RNF150: variants seen among roughly 807,000 people sequenced by gnomAD.
RNF150 encodes ring finger protein 150.
RNF150 carries 24 observed loss-of-function variants against 39.3 expected under a neutral mutation model. The observed-to-expected ratio is 0.61, with a 90% CI of 0.44 to 0.86. The LOEUF is 0.86. Ranked by LOEUF, RNF150 falls within the 40% of genes least tolerant of loss-of-function variation. The pLI is 0.00. For missense variants in RNF150, 502 were observed against 587.8 expected, an observed-to-expected ratio of 0.85 and a Z score of 1.51; for synonymous variants, 255 against 227.3, an observed-to-expected ratio of 1.12 and a Z score of -1.10.
intron 1 of RNF150, among the ~76,000 whole-genome samples, chr4:141,039,738 A>G (rs1428202844): frequency 6.6e-6 from 1 of 152,122 alleles, no homozygotes. Context: ...CCAAGAAGTT[A>G]TTAACTGCAA....
intron 1 of RNF150, among the ~76,000 whole-genome samples, chr4:141,119,686 C>T (rs1726548657): frequency 6.6e-6 from 1 of 152,198 alleles, no homozygotes; most frequent in Admixed American, 6.5e-5. Context: ...AAAATAACAA[C>T]TGGCTTCCTG....
chr4:141,137,047 A>G (rs1224227419), upstream of RNF150, among the ~76,000 whole-genome samples: 4 of 152,212 alleles, frequency 2.6e-5, no homozygotes, highest in African/African-American at 9.6e-5. Context: ...TACAAGTACA[A>G]TCTGAGGCAA....
intron 1 of RNF150, among the ~76,000 whole-genome samples, chr4:141,074,875 T>C (rs1363232836): frequency 6.6e-6 from 1 of 152,218 alleles, no homozygotes; most frequent in East Asian, 1.9e-4. Flanking sequence ...CCTCTTGCAC[T>C]GACCTTGCAC....
chr4:140,915,459 C>A (rs1730781807), intron 5 of RNF150, among the ~76,000 whole-genome samples: 1 of 152,146 alleles, frequency 6.6e-6, no homozygotes, highest in African/African-American at 2.4e-5. Flanking sequence ...CAAAATTCCT[C>A]CCAGATCCTG....
chr4:141,092,216 G>A (rs1339892920), intron 1 of RNF150, among the ~76,000 whole-genome samples: 1 of 152,084 alleles, frequency 6.6e-6, no homozygotes, highest in Non-Finnish European at 1.5e-5. Flanking sequence ...TGGTGGTGGT[G>A]CCTGTAATCC....
At chr4:140,907,037 TTC>T (rs1305413627) in intron 6 of RNF150, among the ~76,000 whole-genome samples, 10 of 152,220 alleles carry the variant, frequency 6.6e-5, no homozygotes, top group Non-Finnish European at 1.2e-4. Context: ...TTCTGTGTCT[TTC>T]TCTCACTTCT....
At chr4:141,050,720 GTGGCTATGCAGTGTACAGCCTCCCTCC>G in intron 1 of RNF150, among the ~76,000 whole-genome samples, 1 of 152,200 alleles carries the variant, frequency 6.6e-6, no homozygotes, top group South Asian at 2.1e-4. Context: ...CTCCGCCCCT[GTGGCTATGCAGTGTACAGCCTCCCTCC>G]TGGCTACTTT....
At chr4:141,048,423 C>G (rs1322182838) in intron 1 of RNF150, among the ~76,000 whole-genome samples, 2 of 152,142 alleles carry the variant, frequency 1.3e-5, no homozygotes, top group African/African-American at 4.8e-5. Context: ...ATGCAGCCAT[C>G]AAGGGTGGAT....
At chr4:141,203,218 G>A (rs1271066012) in intron 1 of RNF150, among the ~76,000 whole-genome samples, 2 of 53,680 alleles carry the variant, frequency 3.7e-5, no homozygotes, top group Non-Finnish European at 6.9e-5. Context: ...TCTTGGAGAC[G>A]ATATATATAT....
At position 141,104,627 on chromosome 4, in the gene RNF150, A is replaced by G. The variant is rs147237932; in HGVS notation, c.484+27698T>C. Among the ~76,000 whole-genome samples the G allele has an allele frequency of 2.7e-3, 408 of 152,312 alleles. 1 individual carries two copies. Among genetic ancestry groups the G allele is most frequent in the African/African-American group, 9.5e-3 (397 of 41,574 alleles). On this transcript the variant is annotated intron_variant, in intron 1 of 6. Coordinates refer to ENST00000515673, the MANE Select transcript of RNF150 (RefSeq NM_020724.2). ...AATGATACACTGAATAACAACAGCAATTGATGATTCTATTCAATGTCCCAA... is the reference window on the plus strand; with the variant it reads ...AATGATACACTGAATAACAACAGCAGTTGATGATTCTATTCAATGTCCCAA...
intron 1 of RNF150, among the ~76,000 whole-genome samples, chr4:140,983,052 T>A (rs1329430257): frequency 1.3e-5 from 2 of 152,152 alleles, no homozygotes; most frequent in Non-Finnish European, 2.9e-5. Flanking sequence ...AAATTAATGC[T>A]ATTTCTTAAG....
At chr4:141,029,139 T>A (rs1351009736) in intron 1 of RNF150, among the ~76,000 whole-genome samples, 1 of 152,190 alleles carries the variant, frequency 6.6e-6, no homozygotes, top group East Asian at 1.9e-4. Context: ...TACATTGATA[T>A]GCCCGGAGAA....
chr4:140,876,605 A>G (rs1332445055), intron 6 of RNF150, among the ~76,000 whole-genome samples: 1 of 152,204 alleles, frequency 6.6e-6, no homozygotes, highest in Non-Finnish European at 1.5e-5. Context: ...GCATTTTGCT[A>G]TGCCATTAAA....
At chr4:141,108,082 C>T (rs1401718070) in intron 1 of RNF150, among the ~76,000 whole-genome samples, 1 of 152,178 alleles carries the variant, frequency 6.6e-6, no homozygotes, top group Admixed American at 6.5e-5. Context: ...TGTCGCAGTT[C>T]CCTCTTTAGC....
At chr4:140,930,744 A>C (rs1194791892) in intron 4 of RNF150, among the ~76,000 whole-genome samples, 8 of 151,920 alleles carry the variant, frequency 5.3e-5, no homozygotes, top group Admixed American at 5.2e-4. Flanking sequence ...TGTTCTCTTC[A>C]TCCCACTCAT....
intron 1 of RNF150, among the ~76,000 whole-genome samples, chr4:140,996,397 T>C (rs57739314): frequency 0.076 from 11,533 of 152,222 alleles, 499 homozygotes; most frequent in Middle Eastern, 0.16. Context: ...AAGTCGTTAC[T>C]GAATGTCAGC....
intron 1 of RNF150, among the ~76,000 whole-genome samples, chr4:141,145,420 C>T (rs914237523): frequency 4.6e-5 from 7 of 152,092 alleles, no homozygotes; most frequent in Non-Finnish European, 7.4e-5. Flanking sequence ...AAGAAATAAC[C>T]TATTATAAAG....
intron 4 of RNF150, among the ~76,000 whole-genome samples, chr4:140,945,898 A>G (rs187721681): frequency 9.2e-5 from 14 of 152,238 alleles, no homozygotes; most frequent in Admixed American, 8.5e-4. Context: ...CACTTTGCTT[A>G]TATCTAAGAG....
chr4:141,073,962 G>C (rs1737801810), intron 1 of RNF150, among the ~76,000 whole-genome samples: 1 of 151,964 alleles, frequency 6.6e-6, no homozygotes, highest in African/African-American at 2.4e-5. Flanking sequence ...CAAGCAAGGG[G>C]GTGATTCCTG....
Sources: allele counts gnomAD v4.1 joint callset (sites outside exome capture counted in the v4.1 genomes callset), GRCh38; gene constraint gnomAD v4.1.1; transcripts MANE v1.5; gene names NCBI Gene and HGNC (gene_info 2026-07-23, HGNC 2026-07-21).